Variants in L3MBTL4 observed in about 807,000 individuals in gnomAD.
L3MBTL4 encodes the protein L3MBTL histone methyl-lysine binding protein 4, also known as lethal(3)malignant brain tumor-like protein 4.
Under a neutral mutation model 84.5 loss-of-function variants are expected in L3MBTL4, and 70 were observed. The ratio of observed to expected loss-of-function variants is 0.83; its 90% CI spans 0.68 to 1.01. The LOEUF is 1.01. Among genes scored for constraint, L3MBTL4 ranks in the 50% least tolerant of loss-of-function variants. The probability of loss-of-function intolerance (pLI) is 0.00; values close to 1 mark genes in which losing one functional copy is unlikely to be tolerated. For missense variants in L3MBTL4, 715 were observed against 754.8 expected (o/e 0.95, Z 0.62); for synonymous variants, 274 against 259.8 (o/e 1.05, Z -0.52).
At chr18:6,198,923 T>A (rs890445099) in intron 12 of L3MBTL4, among the ~76,000 whole-genome samples, 1 of 152,168 alleles carries the variant, frequency 6.6e-6, no homozygotes, top group African/African-American at 2.4e-5. Context: ...GAAAGGCCAA[T>A]TTAAATATTT....
chr18:6,096,761 A>G (rs1274504577), intron 14 of L3MBTL4, among the ~76,000 whole-genome samples: 2 of 152,234 alleles, frequency 1.3e-5, no homozygotes, highest in African/African-American at 4.8e-5. Flanking sequence ...GTTCTGACAT[A>G]GTCTCTTCAG....
intron 16 of L3MBTL4, among the ~76,000 whole-genome samples, chr18:6,057,133 C>A (rs964373345): frequency 2.6e-5 from 4 of 151,912 alleles, no homozygotes; most frequent in African/African-American, 7.3e-5. Flanking sequence ...CAGGCTCAAG[C>A]GATTCTCCTG....
At chr18:6,342,124 T>C (rs1379954006) in intron 1 of L3MBTL4, among the ~76,000 whole-genome samples, 6 of 152,124 alleles carry the variant, frequency 3.9e-5, no homozygotes, top group Non-Finnish European at 1.5e-5. Flanking sequence ...TTACAAGATA[T>C]GCTAAAAGAG....
At chr18:5,999,492 G>A (rs1275788810) in intron 16 of L3MBTL4, among the ~76,000 whole-genome samples, 5 of 152,160 alleles carry the variant, frequency 3.3e-5, no homozygotes, top group Non-Finnish European at 1.5e-5. Flanking sequence ...TCATAAAAAT[G>A]TGTTGAATGG....
intron 12 of L3MBTL4, among the ~76,000 whole-genome samples, chr18:6,206,077 T>A (rs550058251): frequency 6.6e-6 from 1 of 152,224 alleles, no homozygotes; most frequent in African/African-American, 2.4e-5. Flanking sequence ...GGTCTTATAC[T>A]TTTTGAGCAA....
intron 14 of L3MBTL4, among the ~76,000 whole-genome samples, chr18:6,135,388 C>T (rs1164991094): frequency 6.6e-6 from 1 of 152,142 alleles, no homozygotes; most frequent in African/African-American, 2.4e-5. Context: ...TTGAATTTCT[C>T]CTCAAAAAAT....
rs150566048 is a variant in L3MBTL4 at position 6,385,324 on chromosome 18, C to T, written c.-91+29477G>A. ...GGCTGAGGCAGGAGGATCACTAGAGCACAGGAGTTTGAGGCTGCAGTGGGC... is the reference window on the plus strand; with the variant it reads ...GGCTGAGGCAGGAGGATCACTAGAGTACAGGAGTTTGAGGCTGCAGTGGGC... On this transcript the variant is annotated intron_variant, in intron 1 of 18. Transcript: ENST00000317931. 8.3e-3 allele frequency among the ~76,000 whole-genome samples: 1,257 copies of T among 152,296 alleles called. 15 individuals are homozygous for T. Among genetic ancestry groups the T allele is most frequent in the African/African-American group, 0.029 (1,210 of 41,552 alleles).
chr18:6,201,275 C>T (rs1283921597), intron 12 of L3MBTL4, among the ~76,000 whole-genome samples: 3 of 152,200 alleles, frequency 2.0e-5, no homozygotes, highest in African/African-American at 7.2e-5. Flanking sequence ...CAAGTAGAAA[C>T]TCCAAGTGTA....
chr18:6,165,881 C>G (rs1450547942), intron 13 of L3MBTL4, among the ~76,000 whole-genome samples: 1 of 152,156 alleles, frequency 6.6e-6, no homozygotes, highest in East Asian at 1.9e-4. Context: ...AAGACACAGA[C>G]TGGCAAATTG....
intron 10 of L3MBTL4, among the ~76,000 whole-genome samples, chr18:6,237,326 T>G (rs1208956671): frequency 2.6e-5 from 4 of 152,044 alleles, no homozygotes; most frequent in Non-Finnish European, 5.9e-5. Context: ...TAATGAATTG[T>G]TATTAGATAA....
intron 16 of L3MBTL4, among the ~76,000 whole-genome samples, chr18:6,064,487 T>A (rs769077275): frequency 6.6e-6 from 1 of 152,162 alleles, no homozygotes; most frequent in Non-Finnish European, 1.5e-5. Context: ...TTCCCATCCA[T>A]GAGCATGGGA....
chr18:5,963,097 C>T (rs956127634), intron 17 of L3MBTL4, among the ~76,000 whole-genome samples: 7 of 152,190 alleles, frequency 4.6e-5, no homozygotes, highest in Non-Finnish European at 1.0e-4. Context: ...AACTAGCTAA[C>T]GACCCATGTT....
At chr18:6,090,603 C>T (rs927022273) in intron 15 of L3MBTL4, among the ~76,000 whole-genome samples, 7 of 86,954 alleles carry the variant, frequency 8.1e-5, no homozygotes, top group African/African-American at 4.4e-4. Flanking sequence ...TACACACACA[C>T]ACACACACAC....
chr18:6,223,147 C>A (rs539247274), intron 10 of L3MBTL4, among the ~76,000 whole-genome samples: 1 of 152,064 alleles, frequency 6.6e-6, no homozygotes, highest in East Asian at 1.9e-4. Context: ...TGTGTTATTT[C>A]TACAAAGTAC....
intron 10 of L3MBTL4, among the ~76,000 whole-genome samples, chr18:6,233,422 T>A (rs536630278): frequency 6.7e-6 from 1 of 149,814 alleles, no homozygotes; most frequent in African/African-American, 2.6e-5. Context: ...TAGAAAACCC[T>A]ATCATCTCAG....
intron 11 of L3MBTL4, among the ~76,000 whole-genome samples, chr18:6,215,086 T>C (rs1040718896): frequency 6.6e-6 from 1 of 152,196 alleles, no homozygotes; most frequent in African/African-American, 2.4e-5. Flanking sequence ...TGAAATTATA[T>C]GCAGAAGCCC....
chr18:6,287,487 G>T (rs1315807406), intron 4 of L3MBTL4, among the ~76,000 whole-genome samples: 1 of 152,016 alleles, frequency 6.6e-6, no homozygotes, highest in African/African-American at 2.4e-5. Context: ...AAACTCCTCA[G>T]CTATTCTGGC....
chr18:5,998,333 C>T (rs75674344), intron 16 of L3MBTL4, among the ~76,000 whole-genome samples: 12,302 of 152,246 alleles, frequency 0.081, 562 homozygotes, highest in African/African-American at 0.089. Context: ...CCCTGCGCTG[C>T]GTCTGCAGAG....
At chr18:6,125,732 CT>C (rs1415478004) in intron 14 of L3MBTL4, among the ~76,000 whole-genome samples, 1 of 152,160 alleles carries the variant, frequency 6.6e-6, no homozygotes, top group African/African-American at 2.4e-5. Flanking sequence ...GCCTGACCTT[CT>C]TTTTAAGACA....
Sources: gnomAD v4.1 joint callset for allele counts (sites outside exome capture counted in the v4.1 genomes callset) on GRCh38, gnomAD v4.1.1 for gene constraint, MANE v1.5 for transcripts, NCBI Gene and HGNC (gene_info 2026-07-23, HGNC 2026-07-21) for gene names.